Variants in ADGRL3 observed in about 807,000 individuals in gnomAD.
The protein encoded by ADGRL3 is adhesion G protein-coupled receptor L3, also known as calcium-independent alpha-latrotoxin receptor 3.
Under a neutral mutation model 153.5 loss-of-function variants are expected in ADGRL3, and 62 were observed. That is an observed-to-expected ratio of 0.40 (90% CI 0.33 to 0.50). ADGRL3 has a LOEUF of 0.50. Ranked by LOEUF, ADGRL3 falls within the 20% of genes least tolerant of loss-of-function variation. The pLI is 0.47. For missense variants in ADGRL3, 1,641 were observed against 1,859.4 expected (o/e 0.88, Z 2.16); for synonymous variants, 710 against 672.5 (o/e 1.06, Z -0.86).
chr4:61,771,418 G>A (rs1248814579), intron 8 of ADGRL3, among the ~76,000 whole-genome samples: 1 of 152,156 alleles, frequency 6.6e-6, no homozygotes, highest in African/African-American at 2.4e-5. Flanking sequence ...CTGAAGATCA[G>A]CCTCCAGTTA....
At chr4:61,600,766 T>G (rs2099008353) in intron 5 of ADGRL3, among the ~76,000 whole-genome samples, 1 of 152,208 alleles carries the variant, frequency 6.6e-6, no homozygotes, top group African/African-American at 2.4e-5. Context: ...TAGAAGGGTT[T>G]AAAGAACACC....
chr4:61,534,300 A>G (rs191197412), intron 4 of ADGRL3, among the ~76,000 whole-genome samples: 4 of 152,164 alleles, frequency 2.6e-5, no homozygotes, highest in Admixed American at 6.5e-5. Context: ...CCACTGGCCT[A>G]TGTATCTACA....
chr4:61,441,542 C>A (rs546279664), intron 2 of ADGRL3, among the ~76,000 whole-genome samples: 2 of 148,706 alleles, frequency 1.3e-5, no homozygotes, highest in Admixed American at 6.7e-5. Context: ...TTCCTCCAGA[C>A]GGAGTCTTGC....
chr4:61,475,774 T>C (rs1426480344), intron 2 of ADGRL3, among the ~76,000 whole-genome samples: 1 of 152,170 alleles, frequency 6.6e-6, no homozygotes, highest in Non-Finnish European at 1.5e-5. Flanking sequence ...CTAAATTATA[T>C]TACTTCATAG....
chr4:61,489,089 T>C (rs981820412), intron 2 of ADGRL3, among the ~76,000 whole-genome samples: 1 of 152,012 alleles, frequency 6.6e-6, no homozygotes, highest in African/African-American at 2.4e-5. Flanking sequence ...ATGCCTACTC[T>C]TGCCAGGAAG....
At chr4:61,966,698 A>T (rs1392345546) in intron 17 of ADGRL3, among the ~76,000 whole-genome samples, 1 of 152,016 alleles carries the variant, frequency 6.6e-6, no homozygotes, top group African/African-American at 2.4e-5. Context: ...TTTCAATGAG[A>T]TCTCTGGGTT....
chr4:61,984,339 C>G (rs1322671793), intron 19 of ADGRL3, among the ~76,000 whole-genome samples: 3 of 152,036 alleles, frequency 2.0e-5, no homozygotes, highest in African/African-American at 7.2e-5. Context: ...AAGAGGTAAG[C>G]AGAGGCTTAG....
intron 1 of ADGRL3, among the ~76,000 whole-genome samples, chr4:61,281,970 G>A (rs1432061916): frequency 6.6e-6 from 1 of 151,932 alleles, no homozygotes. Flanking sequence ...AGGGCACTTG[G>A]CTCTGTCTCT....
chr4:61,879,869 A>C (rs1394963415), intron 9 of ADGRL3, among the ~76,000 whole-genome samples: 1 of 152,064 alleles, frequency 6.6e-6, no homozygotes, highest in East Asian at 1.9e-4. Flanking sequence ...ACAGACATGC[A>C]CCACCATGCC....
intron 1 of ADGRL3, among the ~76,000 whole-genome samples, chr4:61,312,380 C>T (rs1315336963): frequency 1.3e-5 from 2 of 152,118 alleles, no homozygotes; most frequent in East Asian, 3.9e-4. Context: ...ACTTTTTATA[C>T]ACACAATCAC....
At chr4:62,016,878 A>G (rs1426441669) in intron 21 of ADGRL3, among the ~76,000 whole-genome samples, 1 of 151,724 alleles carries the variant, frequency 6.6e-6, no homozygotes, top group African/African-American at 2.4e-5. Context: ...GGTTTTTAAG[A>G]TTTTTCTCCA....
intron 6 of ADGRL3, among the ~76,000 whole-genome samples, chr4:61,699,016 T>A (rs2095697734): frequency 6.6e-6 from 1 of 152,204 alleles, no homozygotes; most frequent in Admixed American, 6.5e-5. Context: ...TGTAATCCTA[T>A]CAGAAATGGT....
chr4:61,566,956 C>A (rs956786837), intron 4 of ADGRL3, among the ~76,000 whole-genome samples: 1 of 152,128 alleles, frequency 6.6e-6, no homozygotes, highest in African/African-American at 2.4e-5. Context: ...GGACTCCAAG[C>A]TTTAAGAACA....
At chr4:61,349,208 T>C (rs184378524) in intron 1 of ADGRL3, among the ~76,000 whole-genome samples, 28 of 152,192 alleles carry the variant, frequency 1.8e-4, no homozygotes, top group African/African-American at 6.3e-4. Flanking sequence ...TCTTGTGAAG[T>C]AGCAAAACTT....
intron 1 of ADGRL3, among the ~76,000 whole-genome samples, chr4:61,263,308 C>T (rs369292998): frequency 6.7e-6 from 1 of 149,980 alleles, no homozygotes; most frequent in African/African-American, 2.4e-5. Context: ...CCTAATTTTC[C>T]CAGAAAAATA....
chr4:62,018,471 G>A (rs1190101083), intron 21 of ADGRL3, among the ~76,000 whole-genome samples: 3 of 152,076 alleles, frequency 2.0e-5, no homozygotes, highest in East Asian at 1.9e-4. Flanking sequence ...TTTCAGCATC[G>A]CAGTGGTGAT....
chr4:62,037,257 TTC>T (rs372127901), intron 23 of ADGRL3, among the ~76,000 whole-genome samples: 2 of 151,540 alleles, frequency 1.3e-5, no homozygotes, highest in African/African-American at 2.4e-5. Flanking sequence ...TCTCTGATAT[TTC>T]TCTCTCTCTC....
At chr4:61,758,484 A>C (rs1580673922) in intron 8 of ADGRL3, among the ~76,000 whole-genome samples, 1 of 152,216 alleles carries the variant, frequency 6.6e-6, no homozygotes, top group East Asian at 1.9e-4. Flanking sequence ...CTGTTTTATC[A>C]GAGACTAGGA....
intron 24 of ADGRL3, among the ~76,000 whole-genome samples, chr4:62,039,404 T>C (rs1726924060): frequency 6.6e-6 from 1 of 152,166 alleles, no homozygotes; most frequent in Non-Finnish European, 1.5e-5. Context: ...TTAATATCAA[T>C]CTAATATTTC....
Sources: allele counts gnomAD v4.1 joint callset (sites outside exome capture counted in the v4.1 genomes callset), GRCh38; gene constraint gnomAD v4.1.1; transcripts MANE v1.5; gene names NCBI Gene and HGNC (gene_info 2026-07-23, HGNC 2026-07-21).